BRINP2: variants seen among roughly 807,000 people sequenced by gnomAD.
BRINP2 encodes the protein BMP/retinoic acid inducible neural specific 2, also known as BMP/retinoic acid-inducible neural-specific protein 2.
In BRINP2, 21 loss-of-function variants were observed where a neutral mutation model predicts 69.2. That is an observed-to-expected ratio of 0.30 (90% CI 0.22 to 0.44). BRINP2 has a LOEUF of 0.44. BRINP2 is among the 20% of genes least tolerant of loss of function. The pLI, the probability that BRINP2 is intolerant of heterozygous loss-of-function variation, is 1.00. For synonymous variants in BRINP2, 380 were observed against 394.1 expected, an observed-to-expected ratio of 0.96 and a Z score of 0.42; for missense variants, 877 against 986.0, an observed-to-expected ratio of 0.89 and a Z score of 1.48.
chr1:177,214,872 C>A (rs1301986674), intron 1 of BRINP2, among the ~76,000 whole-genome samples: 1 of 152,162 alleles, frequency 6.6e-6, no homozygotes, highest in Non-Finnish European at 1.5e-5. Flanking sequence ...AGCTAATTAA[C>A]CTGTCCATAA....
At chr1:177,247,696 C>T (rs1319415121) in intron 2 of BRINP2, among the ~76,000 whole-genome samples, 1 of 152,198 alleles carries the variant, frequency 6.6e-6, no homozygotes, top group Non-Finnish European at 1.5e-5. Context: ...GGTCAATGTC[C>T]TTACCCTGAC....
At chr1:177,256,338 G>C in intron 3 of BRINP2, 1 of 985,386 alleles carries the variant, frequency 1.0e-6, no homozygotes, top group Non-Finnish European at 1.2e-6. Context: ...GGCGGTTGGA[G>C]GTGGACAGGC....
intron 1 of BRINP2, among the ~76,000 whole-genome samples, chr1:177,178,123 C>T (rs149184963): frequency 5.7e-4 from 87 of 152,338 alleles, no homozygotes; most frequent in African/African-American, 2.0e-3. Context: ...CTCCTCCTCA[C>T]CCCTCGTGCT....
Position 177,201,861 on chromosome 1 carries a change from A to G in BRINP2, c.-76-27940A>G, listed in dbSNP as rs370840133. ...TTTTTTGGTTGGTAAGCTATTAATT[A>G]TTGCCTCAATTTCAGAGCCTGTTAT... On this transcript the variant is annotated intron_variant, in intron 1 of 7. Coordinates refer to ENST00000361539, the MANE Select transcript of BRINP2 (RefSeq NM_021165.4). Among the ~76,000 whole-genome samples the G allele has an allele frequency of 1.3e-4, 20 of 152,288 alleles. No homozygotes were observed. The East Asian group carries it at 3.9e-3, about 29-fold the overall frequency.
At chr1:177,193,436 C>A (rs946645838) in intron 1 of BRINP2, among the ~76,000 whole-genome samples, 13 of 152,230 alleles carry the variant, frequency 8.5e-5, no homozygotes, top group African/African-American at 2.4e-4. Flanking sequence ...ATGTTAATGG[C>A]ATTTATAGGA....
chr1:177,260,345 A>G (rs1038168061), intron 4 of BRINP2, among the ~76,000 whole-genome samples: 1 of 152,250 alleles, frequency 6.6e-6, no homozygotes, highest in Non-Finnish European at 1.5e-5. Context: ...TGGTTTCTTG[A>G]GAGGGAATCT....
chr1:177,216,794 T>TTTC lies in BRINP2; in HGVS notation c.-76-13006_-76-13004dup, dbSNP rs1408443754. Among the ~76,000 whole-genome samples, 8 of 151,822 alleles carry TTTC rather than the reference T, an allele frequency of 5.3e-5. No individual in the cohort carries two copies. The East Asian group carries it at 1.2e-3, about 22-fold the overall frequency. On this transcript the variant is annotated intron_variant, in intron 1 of 7. Coordinates refer to ENST00000361539, the MANE Select transcript of BRINP2 (RefSeq NM_021165.4). ...TTGGTTGGTAGTTTTTTTTTTTTTT[T>TTTC]TTCACTTCACCACTTTGAATATATC... is the stretch of plus-strand genomic sequence containing the variant.
chr1:177,236,520 CTTA>C (rs1650033034), intron 2 of BRINP2, among the ~76,000 whole-genome samples: 1 of 152,168 alleles, frequency 6.6e-6, no homozygotes, highest in Non-Finnish European at 1.5e-5. Context: ...CAGCTTGGTG[CTTA>C]TTATTGCACT....
At chr1:177,218,033 T>G (rs1024059669) in intron 1 of BRINP2, among the ~76,000 whole-genome samples, 3 of 152,208 alleles carry the variant, frequency 2.0e-5, no homozygotes, top group African/African-American at 7.2e-5. Context: ...GAGATTTGCC[T>G]TCCTCCATGG....
rs1041723358 is a variant in BRINP2 at position 177,257,289 on chromosome 1, G to A, written c.574G>A (p.Glu192Lys). 2 of 1,614,086 alleles carry A rather than the reference G, an allele frequency of 1.2e-6. No homozygotes were observed. Among genetic ancestry groups the A allele is most frequent in the Non-Finnish European group, 1.7e-6 (2 of 1,180,012 alleles). ...GSGNSTAVSL[E>K]TLHQLAASYF... The stretch of plus-strand genomic sequence containing the variant: ...TGGGAACAGCACAGCTGTGTCCCTG[G>A]AGACCCTGCACCAGCTGGCCGCCTC... Residue 192 changes from glutamate to lysine, a missense_variant, in exon 4 of 8, where the codon GAG (glutamate) becomes AAG (lysine). Around this residue, in one of 3 missense-constraint regions of BRINP2, gnomAD observed 566 missense variants for 625.2 expected, o/e 0.91. Coordinates refer to ENST00000361539, the MANE Select transcript of BRINP2 (RefSeq NM_021165.4).
chr1:177,278,984 C>G (rs1651604697), intron 7 of BRINP2, among the ~76,000 whole-genome samples, 199 bp downstream of exon 7: 1 of 152,160 alleles, frequency 6.6e-6, no homozygotes, highest in Non-Finnish European at 1.5e-5. Context: ...AAAAGATGGG[C>G]TGATTTTACT....
At chr1:177,207,511 G>A (rs1342028921) in intron 1 of BRINP2, among the ~76,000 whole-genome samples, 6 of 152,182 alleles carry the variant, frequency 3.9e-5, no homozygotes, top group Non-Finnish European at 5.9e-5. Context: ...ATTTGTCAGA[G>A]GAGTGGGGTG....
chr1:177,249,029 C>A (rs1241315479), intron 2 of BRINP2, among the ~76,000 whole-genome samples: 1 of 152,080 alleles, frequency 6.6e-6, no homozygotes, highest in Non-Finnish European at 1.5e-5. Context: ...CCAGAAGCAT[C>A]ATTTTTTGGC....
At chr1:177,253,669 G>C (rs1341888734) in intron 2 of BRINP2, among the ~76,000 whole-genome samples, 1 of 152,032 alleles carries the variant, frequency 6.6e-6, no homozygotes, top group Non-Finnish European at 1.5e-5. Context: ...ATAGTTTTGA[G>C]TCTTATGTTT....
At chr1:177,206,297 G>A (rs778080592) in intron 1 of BRINP2, among the ~76,000 whole-genome samples, 1 of 152,222 alleles carries the variant, frequency 6.6e-6, no homozygotes, top group Non-Finnish European at 1.5e-5. Context: ...GATTAGGTGA[G>A]ATAGTAAATA....
intron 1 of BRINP2, among the ~76,000 whole-genome samples, chr1:177,223,083 G>C (rs1649590012): frequency 6.6e-6 from 1 of 152,130 alleles, no homozygotes; most frequent in African/African-American, 2.4e-5. Flanking sequence ...GGAGTAGAAG[G>C]GTCTCCCTGG....
intron 1 of BRINP2, among the ~76,000 whole-genome samples, chr1:177,182,288 C>T (rs2102290027): frequency 6.6e-6 from 1 of 152,064 alleles, no homozygotes; most frequent in South Asian, 2.1e-4. Context: ...CTCTCAGTAA[C>T]CTGATCAACT....
chr1:177,177,673 A>T lies in BRINP2; in HGVS notation c.-77+5941A>T, dbSNP rs182232305. 2.0e-5 allele frequency among the ~76,000 whole-genome samples: 3 copies of T among 152,264 alleles called. No individual in the cohort carries two copies. The East Asian group carries it at 5.8e-4, about 29-fold the overall frequency. On this transcript the variant is annotated intron_variant, in intron 1 of 7. Transcript: ENST00000361539. ...AAACTACTCTACTTACTGTTCGTACATGTTAACCACGTAAAAGGGGGATTA... is the reference window on the plus strand; with the variant it reads ...AAACTACTCTACTTACTGTTCGTACTTGTTAACCACGTAAAAGGGGGATTA...
intron 4 of BRINP2, among the ~76,000 whole-genome samples, chr1:177,271,352 A>C (rs1651320860): frequency 1.3e-5 from 2 of 152,188 alleles, no homozygotes; most frequent in Non-Finnish European, 2.9e-5. Flanking sequence ...AGAGATCACT[A>C]AAATATGTTG....
Sources: allele counts gnomAD v4.1 joint callset (sites outside exome capture counted in the v4.1 genomes callset), GRCh38; gene constraint gnomAD v4.1.1; regional missense constraint gnomAD v4.1.1; transcripts MANE v1.5; gene names NCBI Gene and HGNC (gene_info 2026-07-23, HGNC 2026-07-21).